DDIAS: variants seen among roughly 807,000 people sequenced by gnomAD.
The protein encoded by DDIAS is DNA damage induced apoptosis suppressor, also known as DNA damage-induced apoptosis suppressor protein.
In DDIAS, 14 loss-of-function variants were observed where a neutral mutation model predicts 15.7. That is an observed-to-expected ratio of 0.89 (90% CI 0.59 to 1.39). The LOEUF is 1.39. Among genes scored for constraint, DDIAS ranks in the 40% most tolerant of loss-of-function variants. DDIAS has a pLI of 0.00. For synonymous variants in DDIAS, 355 were observed against 395.9 expected (o/e 0.90, Z 1.23); for missense variants, 1,035 against 1,130.9 (o/e 0.92, Z 1.22).
At position 82,933,637 on chromosome 11, in the gene DDIAS, G is replaced by T; in HGVS notation, c.2299G>T (p.Asp767Tyr). 1 of 1,613,908 alleles carries T rather than the reference G, an allele frequency of 6.2e-7. No homozygotes were observed. Among genetic ancestry groups the T allele is most frequent in the South Asian group, 1.1e-5 (1 of 91,020 alleles). ...DSEYNFENSQ[D>Y]FVPCSQSTPI... ...AGAATATAATTTTGAAAATAGTCAA[G>T]ACTTTGTTCCATGTTCACAGTCAAC... The change falls in exon 6 of 6, where the codon GAC becomes TAC. Residue 767 changes from aspartate (D) to tyrosine (Y), a missense_variant. Transcript: ENST00000533655.
In DDIAS at chr11:82,933,463, G is replaced by A. The variant is rs1861046580; in HGVS notation, c.2125G>A (p.Ala709Thr). 6.2e-7 allele frequency: 1 copy of A among 1,613,682 alleles called. No individual in the cohort carries two copies. Among genetic ancestry groups the A allele is most frequent in the African/African-American group, 1.3e-5 (1 of 74,894 alleles). Residue 709 changes from alanine to threonine, a missense_variant, in exon 6 of 6, where the codon GCA becomes ACA. Coordinates refer to ENST00000533655, the MANE Select transcript of DDIAS (RefSeq NM_145018.4). Reference protein sequence around the residue: ...DILLKWGTSLAESHPSESDFS... With the variant: ...DILLKWGTSLTESHPSESDFS... Reference sequence around the variant, plus strand: ...TTTGTTAAAATGGGGAACATCTTTGGCAGAAAGTCACCCTTCAGAGTCTGA... The same window carrying A: ...TTTGTTAAAATGGGGAACATCTTTGACAGAAAGTCACCCTTCAGAGTCTGA...
chr11:82,907,203 A>G (rs1860447990), intron 1 of DDIAS, among the ~76,000 whole-genome samples: 1 of 152,230 alleles, frequency 6.6e-6, no homozygotes, highest in African/African-American at 2.4e-5. Flanking sequence ...TGTGAAACAT[A>G]TTGTGGGGGT....
Position 82,930,271 on chromosome 11 carries a change from G to T in DDIAS, c.390G>T (p.Val130=). The T allele has an allele frequency of 1.3e-6, 2 of 1,522,750 alleles. No homozygotes were observed. The highest frequency in any genetic ancestry group is 1.8e-6 in the Non-Finnish European group (2 of 1,108,314). 94.3% of individuals were successfully genotyped at this position (1,522,750 alleles called of 1,614,324 possible). Residue 130 remains valine (V), a synonymous_variant, in exon 5 of 6, where the codon GTG becomes GTT. Transcript: ENST00000533655. ...TTGGACAAAGCTTTATTTTTGGAGT[G>T]ACGGTAATTGAGACTAGCTTTCTTT... ...CFVGQSFIFG[V]TNFENQPGQG...
At position 82,924,545 on chromosome 11, in the gene DDIAS, TAGCTCATGCCTGCA is replaced by T. The variant is rs1409442514; in HGVS notation, c.114-4230_114-4217del. ...AATAAACAAATGAGGCTGGGCATAG[TAGCTCATGCCTGCA>T]ATCCCAGCATTTGGGAGGCCAAGAT... On this transcript the variant is annotated intron_variant, in intron 3 of 5. Coordinates refer to ENST00000533655, the MANE Select transcript of DDIAS (RefSeq NM_145018.4). Among the ~76,000 whole-genome samples, 62 of 152,352 alleles carry T rather than the reference TAGCTCATGCCTGCA, an allele frequency of 4.1e-4. 1 individual carries two copies. The highest frequency in any genetic ancestry group is 1.3e-3 in the African/African-American group (55 of 41,580).
intron 1 of DDIAS, among the ~76,000 whole-genome samples, chr11:82,911,553 C>T (rs1860530484): frequency 6.6e-6 from 1 of 152,200 alleles, no homozygotes; most frequent in Middle Eastern, 3.2e-3. Flanking sequence ...TTCTAGATCT[C>T]TTGCTATTCC....
At chr11:82,916,995 C>T (rs976326001) in intron 3 of DDIAS, among the ~76,000 whole-genome samples, 1 of 152,126 alleles carries the variant, frequency 6.6e-6, no homozygotes, top group Non-Finnish European at 1.5e-5. Flanking sequence ...AAAGTGACCT[C>T]GGAAAGGACT....
At chr11:82,909,056 AAG>A (rs1228442890) in intron 1 of DDIAS, among the ~76,000 whole-genome samples, 1 of 152,206 alleles carries the variant, frequency 6.6e-6, no homozygotes, top group Admixed American at 6.5e-5. Context: ...TCGCACAAGA[AAG>A]AATTCAGGGC....
chr11:82,933,851 T>C lies in DDIAS; in HGVS notation c.2513T>C (p.Ile838Thr). ...KTPSQKIRSP[I>T]VSGVSQPDVF... ...CCTAGCCAGAAAATCAGAAGCCCTATTGTATCTGGTGTTTCACAACCAGAC... is the reference window on the plus strand; with the variant it reads ...CCTAGCCAGAAAATCAGAAGCCCTACTGTATCTGGTGTTTCACAACCAGAC... Residue 838 changes from isoleucine (I) to threonine (T), a missense_variant, in exon 6 of 6, where the codon ATT becomes ACT. Coordinates refer to ENST00000533655, the MANE Select transcript of DDIAS (RefSeq NM_145018.4). 2 of 1,614,102 alleles carry C rather than the reference T, an allele frequency of 1.2e-6. No individual in the cohort carries two copies. Among genetic ancestry groups the C allele is most frequent in the Non-Finnish European group, 1.7e-6 (2 of 1,179,996 alleles).
chr11:82,933,674 G>C lies in DDIAS; in HGVS notation c.2336G>C (p.Gly779Ala). Reference sequence around the variant, plus strand: ...TGTTCACAGTCAACTCCAATTTCAGGGTTCCACCAAACAAGAATTCATGGG... The same window carrying C: ...TGTTCACAGTCAACTCCAATTTCAGCGTTCCACCAAACAAGAATTCATGGG... ...VPCSQSTPISGFHQTRIHGIN... is the reference protein window; with the variant it reads ...VPCSQSTPISAFHQTRIHGIN... The change falls in exon 6 of 6, where the codon GGG becomes GCG. Residue 779 changes from glycine (G) to alanine (A), a missense_variant. Transcript: ENST00000533655. 1 of 1,613,910 alleles carries C rather than the reference G, an allele frequency of 6.2e-7. No individual in the cohort carries two copies. The highest frequency in any genetic ancestry group is 1.6e-4 in the Middle Eastern group (1 of 6,062).
At chr11:82,916,734 A>T (rs1471801931) in intron 3 of DDIAS, among the ~76,000 whole-genome samples, 1 of 152,180 alleles carries the variant, frequency 6.6e-6, no homozygotes, top group African/African-American at 2.4e-5. Context: ...TGTGGGCATT[A>T]TATCTTTTAA....
chr11:82,930,118 GTTCATTGC>G, intron 4 of DDIAS, 31 bp from the exon 5 acceptor site: 1 of 1,250,188 alleles, frequency 8.0e-7, no homozygotes, highest in Non-Finnish European at 1.1e-6. Flanking sequence ...AAATTTCAAA[GTTCATTGC>G]TTCACATTTT....
chr11:82,912,382 T>G (rs142397539), intron 1 of DDIAS, among the ~76,000 whole-genome samples: 231 of 152,340 alleles, frequency 1.5e-3, no homozygotes, highest in African/African-American at 5.5e-3. Flanking sequence ...AGCTTCTACA[T>G]CAGCGCTTGC....
chr11:82,907,078 G>T (rs1199579770), intron 1 of DDIAS, among the ~76,000 whole-genome samples: 1 of 152,052 alleles, frequency 6.6e-6, no homozygotes, highest in East Asian at 1.9e-4. Context: ...TTTAACTTCT[G>T]GGAAAACGTC....
intron 4 of DDIAS, 65 bp downstream of exon 4, chr11:82,929,003 G>C: frequency 6.6e-7 from 1 of 1,511,204 alleles, no homozygotes; most frequent in Non-Finnish European, 8.9e-7. Flanking sequence ...AAGTTTATAA[G>C]GCAATATGCA....
intron 1 of DDIAS, among the ~76,000 whole-genome samples, chr11:82,908,175 C>G (rs1463020937): frequency 6.6e-6 from 1 of 152,060 alleles, no homozygotes; most frequent in Non-Finnish European, 1.5e-5. Flanking sequence ...GGAAGAATAT[C>G]GTAGCCAAAG....
chr11:82,925,398 C>G (rs558446573), intron 3 of DDIAS, among the ~76,000 whole-genome samples: 14 of 152,018 alleles, frequency 9.2e-5, no homozygotes, highest in Non-Finnish European at 1.8e-4. Context: ...AGAGTTCAAG[C>G]CTAGTCAGGG....
chr11:82,932,259 A>C lies in DDIAS; in HGVS notation c.921A>C (p.Thr307=). The change falls in exon 6 of 6, where the codon ACA becomes ACC. Residue 307 remains threonine, a synonymous_variant. Coordinates refer to ENST00000533655, the MANE Select transcript of DDIAS (RefSeq NM_145018.4). ...TTTCATATATGGATAAAAAGAGTAC[A>C]GCAGAAAAGTTGGGTAAAGAACTTG... ...SLVSYMDKKS[T]AEKLGKELGL... is the part of the protein sequence containing the mutation. 6.2e-7 allele frequency: 1 copy of C among 1,613,828 alleles called. No individual in the cohort carries two copies. Among genetic ancestry groups the C allele is most frequent in the Non-Finnish European group, 8.5e-7 (1 of 1,179,800 alleles).
chr11:82,918,186 A>G (rs907573169), intron 3 of DDIAS, among the ~76,000 whole-genome samples: 10 of 152,134 alleles, frequency 6.6e-5, no homozygotes, highest in East Asian at 3.8e-4. Context: ...GGGTACGCCA[A>G]TGTCTAGAAG....
chr11:82,923,659 T>A (rs1860802202), intron 3 of DDIAS, among the ~76,000 whole-genome samples: 1 of 152,160 alleles, frequency 6.6e-6, no homozygotes, highest in East Asian at 1.9e-4. Context: ...ATTAGAGTAG[T>A]AATAGTACCT....
Sources: allele counts gnomAD v4.1 joint callset (sites outside exome capture counted in the v4.1 genomes callset), GRCh38; gene constraint gnomAD v4.1.1; transcripts MANE v1.5; gene names NCBI Gene and HGNC (gene_info 2026-07-23, HGNC 2026-07-21).